Variants in EYS observed in about 807,000 individuals in gnomAD.
EYS encodes protein eyes shut homolog.
A neutral mutation model predicts 282.1 loss-of-function variants in EYS; 250 were observed. The ratio of observed to expected loss-of-function variants is 0.89; its 90% CI spans 0.80 to 0.98. The LOEUF is 0.98. EYS is among the 50% of genes least tolerant of loss of function. The probability of loss-of-function intolerance (pLI) is 0.00; values close to 1 mark genes in which losing one functional copy is unlikely to be tolerated. For synonymous variants in EYS, 1,355 were observed against 1,282.9 expected (o/e 1.06, Z -1.20); for missense variants, 4,016 against 3,709.0 (o/e 1.08, Z -2.15).
chr6:65,284,708 G>A (rs189770405), intron 12 of EYS, among the ~76,000 whole-genome samples: 1 of 152,114 alleles, frequency 6.6e-6, no homozygotes, highest in East Asian at 1.9e-4. Flanking sequence ...GATACCTTAT[G>A]CCAAGGTAAA....
At chr6:64,557,094 A>G (rs1002317621) in intron 26 of EYS, among the ~76,000 whole-genome samples, 1 of 151,880 alleles carries the variant, frequency 6.6e-6, no homozygotes, top group Non-Finnish European at 1.5e-5. Flanking sequence ...TTACTATCAA[A>G]TGGATTTTTC....
At chr6:65,705,078 G>A (rs1203312115) in intron 1 of EYS, among the ~76,000 whole-genome samples, 2 of 151,812 alleles carry the variant, frequency 1.3e-5, no homozygotes, top group East Asian at 1.9e-4. Context: ...ATATCAGTTG[G>A]GCTAGCAAAA....
chr6:64,295,511 A>AAG (rs1316099456), intron 30 of EYS, among the ~76,000 whole-genome samples: 5 of 28,772 alleles, frequency 1.7e-4, no homozygotes, highest in African/African-American at 1.2e-3. Context: ...AAGAAAGAAG[A>AAG]AAGAAGAAAG....
At chr6:65,271,970 A>G (rs1417544434) in intron 12 of EYS, among the ~76,000 whole-genome samples, 1 of 152,186 alleles carries the variant, frequency 6.6e-6, no homozygotes, top group Non-Finnish European at 1.5e-5. Context: ...TTTGATTTTC[A>G]GCATTCTTAG....
At chr6:64,433,762 C>T (rs1002632052) in intron 28 of EYS, among the ~76,000 whole-genome samples, 1 of 151,842 alleles carries the variant, frequency 6.6e-6, no homozygotes, top group Non-Finnish European at 1.5e-5. Flanking sequence ...AAATCTTAAA[C>T]ATCTAATGTT....
chr6:64,481,274 G>GTGTA (rs1461029125), intron 26 of EYS, among the ~76,000 whole-genome samples: 2,305 of 140,578 alleles, frequency 0.016, 28 homozygotes, highest in African/African-American at 0.036. Context: ...GTGTGTGTGT[G>GTGTA]TATATATATA....
intron 5 of EYS, among the ~76,000 whole-genome samples, chr6:65,423,938 T>G (rs1454947668): frequency 1.3e-5 from 2 of 152,114 alleles, no homozygotes; most frequent in South Asian, 2.1e-4. Flanking sequence ...ATCCATTGAC[T>G]TTTCAATTCC....
chr6:65,272,274 G>C (rs1350987165), intron 12 of EYS, among the ~76,000 whole-genome samples: 1 of 152,106 alleles, frequency 6.6e-6, no homozygotes, highest in African/African-American at 2.4e-5. Context: ...GGCAATCAGT[G>C]CTCTTTGAAC....
chr6:64,587,442 A>AT (rs1258413962), intron 26 of EYS, among the ~76,000 whole-genome samples: 1 of 152,004 alleles, frequency 6.6e-6, no homozygotes, highest in Non-Finnish European at 1.5e-5. Context: ...ATCTTTCAAG[A>AT]TTTTTGCATT....
At chr6:64,067,361 T>C (rs1406519011) in intron 32 of EYS, among the ~76,000 whole-genome samples, 1 of 152,170 alleles carries the variant, frequency 6.6e-6, no homozygotes, top group Non-Finnish European at 1.5e-5. Flanking sequence ...TCATCTGCAT[T>C]GTCAGAAGTC....
At chr6:64,850,575 A>G (rs1765852199) in intron 19 of EYS, among the ~76,000 whole-genome samples, 2 of 152,114 alleles carry the variant, frequency 1.3e-5, no homozygotes, top group Non-Finnish European at 1.5e-5. Context: ...AAACAGCTAG[A>G]AGACTGAAAA....
chr6:64,560,370 C>A (rs1765357719), intron 26 of EYS, among the ~76,000 whole-genome samples: 1 of 151,878 alleles, frequency 6.6e-6, no homozygotes. Flanking sequence ...TCTTTTGCAT[C>A]TATTATAGAT....
chr6:64,780,728 G>T (rs1312483376), intron 22 of EYS, among the ~76,000 whole-genome samples: 2 of 152,044 alleles, frequency 1.3e-5, no homozygotes, highest in African/African-American at 2.4e-5. Context: ...GGGATAGCTG[G>T]AATCCTGTGA....
intron 8 of EYS, among the ~76,000 whole-genome samples, chr6:65,361,575 C>G (rs1350825076): frequency 6.6e-6 from 1 of 151,722 alleles, no homozygotes; most frequent in Non-Finnish European, 1.5e-5. Flanking sequence ...CCTCCACCTC[C>G]TGGGCTCAAG....
intron 1 of EYS, among the ~76,000 whole-genome samples, chr6:65,679,774 G>A (rs1430765787): frequency 6.6e-6 from 1 of 151,810 alleles, no homozygotes; most frequent in East Asian, 1.9e-4. Flanking sequence ...TATAGTAAAG[G>A]AAACTGCATC....
chr6:63,790,089 C>T (rs1165170311), intron 37 of EYS, among the ~76,000 whole-genome samples: 1 of 152,202 alleles, frequency 6.6e-6, no homozygotes, highest in Non-Finnish European at 1.5e-5. Flanking sequence ...GAGGCAAAGA[C>T]TTCTGCTTAG....
At chr6:64,073,785 T>C (rs1217999152) in intron 32 of EYS, among the ~76,000 whole-genome samples, 1 of 151,682 alleles carries the variant, frequency 6.6e-6, no homozygotes, top group Admixed American at 6.6e-5. Flanking sequence ...TGCATATATA[T>C]ATATATGTTT....
intron 35 of EYS, among the ~76,000 whole-genome samples, chr6:63,966,467 A>T (rs1766314372): frequency 1.3e-5 from 2 of 152,140 alleles, no homozygotes; most frequent in Admixed American, 6.6e-5. Flanking sequence ...TGAAGAGCTT[A>T]CTCATGTGAC....
intron 14 of EYS, among the ~76,000 whole-genome samples, chr6:64,960,580 C>G (rs1769879263): frequency 6.6e-6 from 1 of 152,052 alleles, no homozygotes; most frequent in Non-Finnish European, 1.5e-5. Flanking sequence ...TGAGTCTGTT[C>G]CCAAAATCTT....
Sources: gnomAD v4.1 joint callset for allele counts (sites outside exome capture counted in the v4.1 genomes callset) on GRCh38, gnomAD v4.1.1 for gene constraint, MANE v1.5 for transcripts, NCBI Gene and HGNC (gene_info 2026-07-23, HGNC 2026-07-21) for gene names.